DENR: variants seen among roughly 807,000 people sequenced by gnomAD.
The protein encoded by DENR is density-regulated protein.
A neutral mutation model predicts 30.6 loss-of-function variants in DENR; 6 were observed. The observed-to-expected ratio is 0.20, with a 90% CI of 0.11 to 0.39. The LOEUF (loss-of-function observed/expected upper bound fraction) is 0.39. Ranked by LOEUF, DENR falls within the 10% of genes least tolerant of loss-of-function variation. The pLI, the probability that DENR is intolerant of heterozygous loss-of-function variation, is 1.00. For synonymous variants in DENR, 78 were observed against 72.1 expected (o/e 1.08, Z -0.41); for missense variants, 141 against 230.9 (o/e 0.61, Z 2.52).
At chr12:122,759,675 G>A (rs896411769) in intron 2 of DENR, among the ~76,000 whole-genome samples, 1 of 152,036 alleles carries the variant, frequency 6.6e-6, no homozygotes, top group Non-Finnish European at 1.5e-5. Context: ...CAGCTGAGAT[G>A]GTGCCATTGC....
At chr12:122,753,224 C>T (rs1484808815) in intron 1 of DENR, among the ~76,000 whole-genome samples, 1 of 151,650 alleles carries the variant, frequency 6.6e-6, no homozygotes, top group African/African-American at 2.4e-5. Context: ...ACTCCCCAGG[C>T]CCCTCTCATG....
At chr12:122,760,890 C>G (rs945932452) in intron 2 of DENR, among the ~76,000 whole-genome samples, 16 of 152,182 alleles carry the variant, frequency 1.1e-4, no homozygotes, top group African/African-American at 3.9e-4. Context: ...TTTACACTTT[C>G]ATGATCTTAT....
At chr12:122,762,691 G>A (rs1027183984) in intron 3 of DENR, among the ~76,000 whole-genome samples, 154 bp from the exon 4 acceptor site, 16 of 152,174 alleles carry the variant, frequency 1.1e-4, no homozygotes, top group Non-Finnish European at 1.8e-4. Context: ...GGGACATATC[G>A]TGGTTGAATA....
At chr12:122,758,947 C>T (rs903721335) in intron 2 of DENR, among the ~76,000 whole-genome samples, 1 of 151,412 alleles carries the variant, frequency 6.6e-6, no homozygotes, top group Non-Finnish European at 1.5e-5. Flanking sequence ...CAGGATCAAG[C>T]GATTCTCCTG....
chr12:122,762,930 G>T lies in DENR; in HGVS notation c.211+1G>T. On this transcript the variant is annotated splice_donor_variant, in intron 4 of 7. Coordinates refer to ENST00000280557, the MANE Select transcript of DENR (RefSeq NM_003677.5). LOFTEE classifies it high-confidence loss of function. The stretch of plus-strand genomic sequence containing the variant: ...AATGAATTTGCAAAACTTACTGTAG[G>T]TATGAACATTTTTTTTCTTGCATTA... 1 of 1,520,860 alleles carries T rather than the reference G, an allele frequency of 6.6e-7. No homozygotes were observed. Among genetic ancestry groups the T allele is most frequent in the Non-Finnish European group, 8.9e-7 (1 of 1,126,568 alleles). 94.2% of individuals were successfully genotyped at this position (1,520,860 alleles called of 1,614,324 possible). A position where few individuals can be genotyped will look rare whatever the true frequency, so the allele number is the denominator to read the frequency against.
chr12:122,763,674 C>T (rs564453881), intron 4 of DENR, among the ~76,000 whole-genome samples: 24 of 152,190 alleles, frequency 1.6e-4, no homozygotes, highest in African/African-American at 5.5e-4. Context: ...GCACGCCAGC[C>T]TGGGCAACAA....
chr12:122,767,613 A>T lies in DENR; in HGVS notation c.412+9A>T. 1 of 1,467,088 alleles carries T rather than the reference A, an allele frequency of 6.8e-7. No homozygotes were observed. The highest frequency in any genetic ancestry group is 9.3e-7 in the Non-Finnish European group (1 of 1,078,142). 90.9% of individuals were successfully genotyped at this position (1,467,088 alleles called of 1,614,324 possible). ...TGGCCTTGCAACTTTTGGTGAGTTC[A>T]GGCTTAAGTATATTTAAAATGTGTG... On this transcript the variant is annotated intron_variant, in intron 6 of 7. Transcript: ENST00000280557.
Position 122,756,122 on chromosome 12 carries a change from T to C in DENR, c.106+2315T>C, listed in dbSNP as rs190278597. Among the ~76,000 whole-genome samples the C allele has an allele frequency of 5.4e-4, 82 of 152,248 alleles. 1 individual carries two copies. Among genetic ancestry groups the C allele is most frequent in the Middle Eastern group, 6.8e-3 (2 of 294 alleles). ...GAGGCCCTGTCTGTCTACATATAAC[T>C]TAACAGGGAAGATGATGAATGCTGA... On this transcript the variant is annotated intron_variant, in intron 2 of 7. Coordinates refer to ENST00000280557, the MANE Select transcript of DENR (RefSeq NM_003677.5).
Position 122,771,062 on chromosome 12 carries a change from T to C in DENR, c.*1984T>C. The C allele has an allele frequency of 4.1e-6, 1 of 241,480 alleles. No homozygotes were observed. Among genetic ancestry groups the C allele is most frequent in the Non-Finnish European group, 7.8e-6 (1 of 127,414 alleles). 15.0% of individuals were successfully genotyped at this position (241,480 alleles called of 1,614,324 possible). On this transcript the variant is annotated 3_prime_UTR_variant, in exon 8 of 8. Coordinates refer to ENST00000280557, the MANE Select transcript of DENR (RefSeq NM_003677.5). ...GCAGGATTAAAATTGTCCTTGTGTA[T>C]AACGTGTGAATCATTTTTTTAAACT... is the stretch of plus-strand genomic sequence containing the variant.
rs1234282820 is a variant in DENR, at chr12:122,767,432, C to CAGTA, written c.296-55_296-52dup. 3.7e-6 allele frequency: 4 copies of CAGTA among 1,070,338 alleles called. No individual in the cohort carries two copies. In the African/African-American group the frequency reaches 4.9e-5, roughly 13 times the overall value. The allele number at this position is 1,070,338 out of a possible 1,614,324, so 66.3% of individuals were successfully genotyped here. ...TTTTGAGAATTAATAAATTTAAAGA[C>CAGTA]AGTATTCTCTTATGTCAAAAACAAC... On this transcript the variant is annotated intron_variant, in intron 5 of 7. Coordinates refer to ENST00000280557, the MANE Select transcript of DENR (RefSeq NM_003677.5).
At chr12:122,762,706 T>C in intron 3 of DENR, 139 bp from the exon 4 acceptor site, 1 of 643,126 alleles carries the variant, frequency 1.6e-6, no homozygotes, top group East Asian at 2.9e-5. Flanking sequence ...TGAATACAGA[T>C]TTCCTGTGGA....
intron 5 of DENR, among the ~76,000 whole-genome samples, chr12:122,766,151 C>T (rs574262942): frequency 3.3e-5 from 5 of 152,280 alleles, no homozygotes; most frequent in Admixed American, 1.3e-4. Flanking sequence ...TCACTATCCC[C>T]GCTTCTGTTC....
At chr12:122,753,632 A>C in intron 1 of DENR, 61 bp from the exon 2 acceptor site, 1 of 1,321,620 alleles carries the variant, frequency 7.6e-7, no homozygotes, top group Non-Finnish European at 1.1e-6. Flanking sequence ...TGAGAGGAAC[A>C]CTGCTCTTCT....
At chr12:122,762,593 T>TA (rs1417860663) in intron 3 of DENR, among the ~76,000 whole-genome samples, 3 of 152,252 alleles carry the variant, frequency 2.0e-5, no homozygotes, top group African/African-American at 7.2e-5. Flanking sequence ...ATGAGGCACT[T>TA]ATGTGCTCAA....
In DENR at chr12:122,765,393, A is replaced by T. The variant is rs71456774; in HGVS notation, c.295+6A>T. 114 of 1,546,152 alleles carry T rather than the reference A, an allele frequency of 7.4e-5. No individual in the cohort carries two copies. The African/African-American group carries it at 1.3e-3, about 17-fold the overall frequency. On this transcript the variant is annotated splice_donor_region_variant and intron_variant, in intron 5 of 7. Coordinates refer to ENST00000280557, the MANE Select transcript of DENR (RefSeq NM_003677.5). ...GAAGAAAAAACAGAAGAGAGGTAAGACCTAAATTCACATCTTGATTTGTAC... is the reference window on the plus strand; with the variant it reads ...GAAGAAAAAACAGAAGAGAGGTAAGTCCTAAATTCACATCTTGATTTGTAC...
chr12:122,763,325 G>A (rs1460893868), intron 4 of DENR: 1 of 161,180 alleles, frequency 6.2e-6, no homozygotes, highest in African/African-American at 2.4e-5. Context: ...CGTGAACCTG[G>A]GAGGCAGAGC....
rs143356960 is a variant in DENR, at chr12:122,768,437, G to A, written c.413-345G>A. Among the ~76,000 whole-genome samples the A allele has an allele frequency of 9.7e-4, 148 of 152,196 alleles. No individual in the cohort carries two copies. In the South Asian group the frequency reaches 0.012, roughly 13 times the overall value. ...CGCTTGAATCTGGGAGACGGAGGTT[G>A]CAGTGAGCCAAGATCGAGCCACTGC... On this transcript the variant is annotated intron_variant, in intron 6 of 7. Transcript: ENST00000280557.
intron 2 of DENR, 50 bp downstream of exon 2, chr12:122,753,857 A>C (rs1294658735): frequency 3.6e-6 from 5 of 1,380,648 alleles, no homozygotes; most frequent in African/African-American, 2.8e-5. Context: ...ACTTTTATGC[A>C]TTGTAATAAC....
At position 122,768,893 on chromosome 12, in the gene DENR, T is replaced by G. The variant is rs375370309; in HGVS notation, c.524T>G (p.Ile175Ser). The G allele has an allele frequency of 6.2e-7, 1 of 1,612,456 alleles. No homozygotes were observed. Among genetic ancestry groups the G allele is most frequent in the African/African-American group, 1.3e-5 (1 of 74,872 alleles). The change falls in exon 7 of 8, where the codon ATT (isoleucine) becomes AGT (serine). Residue 175 changes from isoleucine to serine, a missense_variant. This residue lies in a region of DENR where 37 missense variants were observed against 92.6 expected (regional missense o/e 0.40). Coordinates refer to ENST00000280557, the MANE Select transcript of DENR (RefSeq NM_003677.5). ...IIQGDFTDDI[I>S]DVIQEKWPEV... Reference sequence around the variant, plus strand: ...CAGGGAGATTTTACAGATGACATAATTGATGTCATTCAGGAAAAATGGCCA... The same window carrying G: ...CAGGGAGATTTTACAGATGACATAAGTGATGTCATTCAGGAAAAATGGCCA...
Sources: gnomAD v4.1 joint callset for allele counts (sites outside exome capture counted in the v4.1 genomes callset) on GRCh38, gnomAD v4.1.1 for gene constraint, gnomAD v4.1.1 regional missense constraint, MANE v1.5 for transcripts, NCBI Gene and HGNC (gene_info 2026-07-23, HGNC 2026-07-21) for gene names.